Variants in ATF7IP observed in about 807,000 individuals in gnomAD.
ATF7IP encodes the protein activating transcription factor 7-interacting protein 1.
Under a neutral mutation model 106.4 loss-of-function variants are expected in ATF7IP, and 23 were observed. The ratio of observed to expected loss-of-function variants is 0.22; its 90% confidence interval spans 0.16 to 0.31. The LOEUF is 0.31. Among genes scored for constraint, ATF7IP ranks in the 10% least tolerant of loss-of-function variants. The probability of loss-of-function intolerance (pLI) is 1.00; values close to 1 mark genes in which losing one functional copy is unlikely to be tolerated. For synonymous variants in ATF7IP, 542 were observed against 539.0 expected (o/e 1.01, Z -0.08); for missense variants, 1,334 against 1,524.3 (o/e 0.88, Z 2.08).
intron 1 of ATF7IP, chr12:14,395,245 G>GC (rs1430971154): frequency 6.6e-6 from 1 of 152,048 alleles, no homozygotes; most frequent in East Asian, 1.9e-4. Context: ...GTGTCAAGCT[G>GC]CCCACAGGTA....
rs1161758162 is a variant in ATF7IP, at chr12:14,502,791, TGTGTGTGTGTGCGTGC to T, written c.*4729_*4744del. 6.6e-6 allele frequency: 1 copy of T among 151,910 alleles called. No homozygotes were observed. The highest frequency in any genetic ancestry group is 1.9e-4 in the East Asian group (1 of 5,190). The allele number at this position is 151,910 out of a possible 1,614,324, so 9.4% of individuals were successfully genotyped here. A position where few individuals can be genotyped will look rare whatever the true frequency, so the allele number is the denominator to read the frequency against. The stretch of plus-strand genomic sequence containing the variant: ...TTTTTATTAGGGTTTTGAAGGTTTG[TGTGTGTGTGTGCGTGC>T]GTGTGTGTGTTTTTCTTTTTTAAAT... On this transcript the variant is annotated 3_prime_UTR_variant, in exon 15 of 15. Coordinates refer to ENST00000261168, the MANE Select transcript of ATF7IP (RefSeq NM_018179.5).
At chr12:14,450,211 A>G (rs1943145562) in intron 6 of ATF7IP, among the ~76,000 whole-genome samples, 1 of 152,198 alleles carries the variant, frequency 6.6e-6, no homozygotes, top group African/African-American at 2.4e-5. Flanking sequence ...TATTGAACAG[A>G]AGTGGCAAGA....
At position 14,472,718 on chromosome 12, in the gene ATF7IP, C is replaced by G. The variant is rs562118196; in HGVS notation, c.2863-3172C>G. Among the ~76,000 whole-genome samples, 5 of 152,244 alleles carry G rather than the reference C, an allele frequency of 3.3e-5. No homozygotes were observed. The East Asian group carries it at 9.7e-4, about 29-fold the overall frequency. On this transcript the variant is annotated intron_variant, in intron 10 of 14. Transcript: ENST00000261168. Reference sequence around the variant, plus strand: ...TCTTCTTGGGAGATCTCATTCACTCCTGGGATTCAGTTACTGCATATATTC... The same window carrying G: ...TCTTCTTGGGAGATCTCATTCACTCGTGGGATTCAGTTACTGCATATATTC...
intron 1 of ATF7IP, among the ~76,000 whole-genome samples, chr12:14,372,496 C>T (rs1938572504): frequency 6.6e-6 from 1 of 150,418 alleles, no homozygotes; most frequent in Non-Finnish European, 1.5e-5. Context: ...CCTAAGGGAA[C>T]AGTTATACCT....
rs202062208 is a variant in ATF7IP, at chr12:14,457,219, A to C, written c.2082A>C (p.Thr694=). ...ATGTATTTCATAGAAATGCAGGCAC[A>C]GTGAGACAGATGCTGGAGTCCAAAA... ...NNNMSYRNAG[T]VRQMLESKRN... Residue 694 remains threonine (T), a synonymous_variant, in exon 8 of 15, where the codon ACA becomes ACC. Transcript: ENST00000261168. 2.0e-5 allele frequency: 33 copies of C among 1,613,470 alleles called. No homozygotes were observed. The highest frequency in any genetic ancestry group is 2.5e-6 in the Non-Finnish European group (3 of 1,179,650).
chr12:14,467,368 G>A (rs190748598), intron 10 of ATF7IP, among the ~76,000 whole-genome samples: 1 of 152,072 alleles, frequency 6.6e-6, no homozygotes, highest in Admixed American at 6.5e-5. Flanking sequence ...TAAAAACGAT[G>A]GATTTTGACC....
intron 9 of ATF7IP, 57 bp downstream of exon 9, chr12:14,461,190 T>A: frequency 6.7e-7 from 1 of 1,481,526 alleles, no homozygotes; most frequent in Non-Finnish European, 9.0e-7. Flanking sequence ...AGCCTTGTAA[T>A]GATTGAACTT....
chr12:14,423,419 T>A (rs543760896), intron 1 of ATF7IP, among the ~76,000 whole-genome samples: 13 of 152,026 alleles, frequency 8.6e-5, no homozygotes, highest in Non-Finnish European at 1.8e-4. Flanking sequence ...TGTTAATATG[T>A]TTATAGTTCT....
At chr12:14,369,781 A>G (rs1198308894) in intron 1 of ATF7IP, among the ~76,000 whole-genome samples, 1 of 138,018 alleles carries the variant, frequency 7.2e-6, no homozygotes, top group African/African-American at 3.6e-5. Context: ...ATTTTTTTCC[A>G]GATATCTAGT....
At chr12:14,487,999 A>C (rs1944682618) in intron 13 of ATF7IP, among the ~76,000 whole-genome samples, 1 of 152,126 alleles carries the variant, frequency 6.6e-6, no homozygotes, top group South Asian at 2.1e-4. Flanking sequence ...GCCAGGTACT[A>C]TCAGTGTTCT....
intron 1 of ATF7IP, among the ~76,000 whole-genome samples, chr12:14,409,625 T>A (rs1940795333): frequency 6.6e-6 from 1 of 152,126 alleles, no homozygotes. Context: ...ATGAGCATAC[T>A]GTAGAATTAT....
intron 1 of ATF7IP, among the ~76,000 whole-genome samples, chr12:14,417,357 C>T (rs1222504314): frequency 6.6e-6 from 1 of 152,072 alleles, no homozygotes; most frequent in East Asian, 1.9e-4. Context: ...GTGCAGTAGA[C>T]AGCACAACAC....
At chr12:14,393,967 C>T (rs1416076816) in intron 1 of ATF7IP, among the ~76,000 whole-genome samples, 3 of 152,114 alleles carry the variant, frequency 2.0e-5, no homozygotes, top group Non-Finnish European at 4.4e-5. Context: ...GAATGTGGCA[C>T]AGACAGAATA....
At chr12:14,460,112 A>G (rs1175507197) in intron 8 of ATF7IP, among the ~76,000 whole-genome samples, 1 of 152,176 alleles carries the variant, frequency 6.6e-6, no homozygotes, top group African/African-American at 2.4e-5. Flanking sequence ...CTTGTGTTGT[A>G]AGGCATTTAT....
At chr12:14,473,144 G>T (rs1358227400) in intron 10 of ATF7IP, among the ~76,000 whole-genome samples, 1 of 151,854 alleles carries the variant, frequency 6.6e-6, no homozygotes, top group African/African-American at 2.4e-5. Flanking sequence ...CTGCTATTTT[G>T]CTATTTGTTT....
At chr12:14,475,789 GGTTAC>G in intron 10 of ATF7IP, 96 bp from the exon 11 acceptor site, 2 of 821,764 alleles carry the variant, frequency 2.4e-6, no homozygotes, top group East Asian at 5.4e-5. Context: ...GATTGAACCA[GGTTAC>G]TCATTAGTCT....
At chr12:14,477,037 A>G (rs1944284913) in intron 11 of ATF7IP, among the ~76,000 whole-genome samples, 1 of 152,214 alleles carries the variant, frequency 6.6e-6, no homozygotes, top group Admixed American at 6.5e-5. Context: ...TTTAAGATAT[A>G]AAGTATTTCT....
At chr12:14,455,954 T>A (rs1168879095) in intron 6 of ATF7IP, among the ~76,000 whole-genome samples, 3 of 152,120 alleles carry the variant, frequency 2.0e-5, no homozygotes, top group Non-Finnish European at 4.4e-5. Flanking sequence ...ATAGTTAATA[T>A]GTAGGCGTTA....
chr12:14,452,329 C>T (rs1943237024), intron 6 of ATF7IP, among the ~76,000 whole-genome samples: 1 of 152,100 alleles, frequency 6.6e-6, no homozygotes, highest in African/African-American at 2.4e-5. Flanking sequence ...GAATTTTATC[C>T]ATTTGCATTT....
Sources: gnomAD v4.1 joint callset for allele counts (sites outside exome capture counted in the v4.1 genomes callset) on GRCh38, gnomAD v4.1.1 for gene constraint, MANE v1.5 for transcripts, NCBI Gene and HGNC (gene_info 2026-07-23, HGNC 2026-07-21) for gene names.